The following ITGB5 variants were observed in gnomAD, a reference collection of about 807,000 sequenced individuals.
The protein encoded by ITGB5 is integrin beta-5.
ITGB5 carries 38 observed loss-of-function variants against 84.8 expected under a neutral mutation model. That is an observed-to-expected ratio of 0.45 (90% confidence interval 0.35 to 0.59). ITGB5 has a LOEUF of 0.59. Among genes scored for constraint, ITGB5 ranks in the 20% least tolerant of loss-of-function variants. The pLI, the probability that ITGB5 is intolerant of heterozygous loss-of-function variation, is 0.01. For missense variants in ITGB5, 905 were observed against 1,034.5 expected, an observed-to-expected ratio of 0.87 and a Z score of 1.72; for synonymous variants, 393 against 414.4, an observed-to-expected ratio of 0.95 and a Z score of 0.63.
chr3:124,883,764 G>A (rs1430346025), intron 1 of ITGB5, among the ~76,000 whole-genome samples: 2 of 152,148 alleles, frequency 1.3e-5, no homozygotes, highest in Non-Finnish European at 2.9e-5. Context: ...TTTATAAGAC[G>A]GTGTTCCTCT....
chr3:124,894,134 C>CTTTTTTCTTTTTTTT (rs1553769998), intron 1 of ITGB5, among the ~76,000 whole-genome samples: 1 of 104,354 alleles, frequency 9.6e-6, no homozygotes, highest in Non-Finnish European at 1.8e-5. Context: ...TGATATTTTT[C>CTTTTTTCTTTTTTTT]TTTTTTTTTT....
At chr3:124,818,533 C>T (rs1221694777) in intron 7 of ITGB5, among the ~76,000 whole-genome samples, 28 of 51,320 alleles carry the variant, frequency 5.5e-4, no homozygotes, top group African/African-American at 1.1e-3. Flanking sequence ...TTTTTTTTTG[C>T]GACAGAATCT....
At chr3:124,880,480 T>C (rs141757839) in intron 1 of ITGB5, among the ~76,000 whole-genome samples, 1 of 152,294 alleles carries the variant, frequency 6.6e-6, no homozygotes, top group East Asian at 1.9e-4. Context: ...CCAGGCACAC[T>C]GGCTCACTTC....
chr3:124,883,590 G>A (rs373983915), intron 1 of ITGB5, among the ~76,000 whole-genome samples: 17 of 152,334 alleles, frequency 1.1e-4, no homozygotes, highest in African/African-American at 4.1e-4. Flanking sequence ...AATGTGGTAG[G>A]GGGTTGGGGG....
At chr3:124,808,967 A>T (rs1170140689) in intron 9 of ITGB5, 55 bp downstream of exon 9, 19 of 1,578,928 alleles carry the variant, frequency 1.2e-5, no homozygotes, top group Non-Finnish European at 1.6e-5. Flanking sequence ...ATTAGAACCC[A>T]AAGACTGATG....
At position 124,843,383 on chromosome 3, in the gene ITGB5, T is replaced by C. The variant is rs549837764; in HGVS notation, c.612-1832A>G. Among the ~76,000 whole-genome samples the C allele has an allele frequency of 5.3e-4, 80 of 152,288 alleles. 1 individual carries two copies. In the South Asian group the frequency reaches 0.014, roughly 27 times the overall value. On this transcript the variant is annotated intron_variant, in intron 4 of 14. Transcript: ENST00000296181. The stretch of plus-strand genomic sequence containing the variant: ...GTTTTTTTACACTTGGTCCGGTTGG[T>C]TGCGGACAGGGAGAAAAGAAACTGA...
At chr3:124,835,184 C>T (rs760361274) in intron 5 of ITGB5, among the ~76,000 whole-genome samples, 3 of 150,230 alleles carry the variant, frequency 2.0e-5, no homozygotes, top group Non-Finnish European at 4.5e-5. Context: ...GTTCACGATA[C>T]TGAGTTATGA....
chr3:124,875,558 TG>T (rs1449704142), intron 1 of ITGB5, among the ~76,000 whole-genome samples: 4 of 151,904 alleles, frequency 2.6e-5, no homozygotes, highest in African/African-American at 7.3e-5. Context: ...TGTACACTGT[TG>T]GTGGGAATGT....
chr3:124,886,684 C>G (rs6438860), intron 1 of ITGB5, among the ~76,000 whole-genome samples: 127,665 of 151,616 alleles, frequency 0.84, 54,094 homozygotes, highest in African/African-American at 0.94. Context: ...GGCCGGCCAG[C>G]CTGTTTACAC....
chr3:124,899,248 G>A (rs926933388), intron 1 of ITGB5, among the ~76,000 whole-genome samples: 2 of 152,124 alleles, frequency 1.3e-5, no homozygotes, highest in Non-Finnish European at 2.9e-5. Context: ...CCACTTCATT[G>A]AAATAGGGAC....
intron 10 of ITGB5, among the ~76,000 whole-genome samples, chr3:124,780,983 G>A (rs1343752231): frequency 6.6e-6 from 1 of 152,174 alleles, no homozygotes; most frequent in African/African-American, 2.4e-5. Flanking sequence ...ATCAACTGTC[G>A]TAGGCAGAGC....
intron 5 of ITGB5, among the ~76,000 whole-genome samples, chr3:124,839,146 C>T (rs2064978452): frequency 6.6e-6 from 1 of 152,216 alleles, no homozygotes; most frequent in African/African-American, 2.4e-5. Context: ...CTGCATAATT[C>T]TGAGCAATCA....
chr3:124,849,642 C>A (rs1267312819), intron 3 of ITGB5, among the ~76,000 whole-genome samples: 3 of 152,006 alleles, frequency 2.0e-5, no homozygotes, highest in Admixed American at 2.0e-4. Flanking sequence ...GATTTGTCTA[C>A]CAGCTACAAT....
chr3:124,892,562 C>T (rs866829170), upstream of ITGB5, among the ~76,000 whole-genome samples: 41 of 147,918 alleles, frequency 2.8e-4, no homozygotes, highest in Middle Eastern at 7.0e-3. Flanking sequence ...TAGCACTGTG[C>T]CAAGTGCCTG....
upstream of ITGB5, among the ~76,000 whole-genome samples, chr3:124,892,506 A>G (rs1189819228): frequency 6.8e-6 from 1 of 147,338 alleles, no homozygotes; most frequent in Non-Finnish European, 1.5e-5. Context: ...CCTGGGCAAC[A>G]TGGTGAAATC....
At chr3:124,843,058 T>A (rs1322493788) in intron 4 of ITGB5, among the ~76,000 whole-genome samples, 2 of 152,076 alleles carry the variant, frequency 1.3e-5, no homozygotes, top group Non-Finnish European at 1.5e-5. Context: ...GTTTCTCCCT[T>A]CTCCTTTCCC....
chr3:124,877,137 A>ATTTTT (rs34843039), intron 1 of ITGB5, among the ~76,000 whole-genome samples: 8 of 126,736 alleles, frequency 6.3e-5, no homozygotes, highest in East Asian at 4.6e-4. Context: ...CACCTGGCTA[A>ATTTTT]TTTTTTTTTT....
intron 3 of ITGB5, among the ~76,000 whole-genome samples, chr3:124,852,102 A>G (rs2065164854): frequency 6.6e-6 from 1 of 151,966 alleles, no homozygotes; most frequent in African/African-American, 2.4e-5. Flanking sequence ...TCCTTTAAAA[A>G]CACCCGAGAC....
chr3:124,838,694 G>A lies in ITGB5; in HGVS notation c.780+2689C>T, dbSNP rs148475618. 6.3e-3 allele frequency among the ~76,000 whole-genome samples: 963 copies of A among 151,830 alleles called. 8 individuals carry two copies. Among genetic ancestry groups the A allele is most frequent in the African/African-American group, 0.022 (891 of 41,382 alleles). On this transcript the variant is annotated intron_variant, in intron 5 of 14. Coordinates refer to ENST00000296181, the MANE Select transcript of ITGB5 (RefSeq NM_002213.5). ...TCGGTTCACTGAAAGCTCCGCCTCC[G>A]GGGTTCACACCATTCTCCTGCCTCA...
Sources: allele counts gnomAD v4.1 joint callset (sites outside exome capture counted in the v4.1 genomes callset), GRCh38; gene constraint gnomAD v4.1.1; transcripts MANE v1.5; gene names NCBI Gene and HGNC (gene_info 2026-07-23, HGNC 2026-07-21).